CCR5AS: variants seen among roughly 807,000 people sequenced by gnomAD.
The protein encoded by CCR5AS is CCR5 antisense RNA.
chr3:46,389,521 G>A (rs1701892696), intron 2 of CCR5AS, among the ~76,000 whole-genome samples: 1 of 152,174 alleles, frequency 6.6e-6, no homozygotes, highest in South Asian at 2.1e-4. Flanking sequence ...GCCTGCTGGA[G>A]GACTGGAAGA....
intron 2 of CCR5AS, among the ~76,000 whole-genome samples, chr3:46,392,143 A>T (rs1701919295): frequency 5.3e-5 from 8 of 152,212 alleles, no homozygotes; most frequent in Admixed American, 5.2e-4. Context: ...GAAGAAAATA[A>T]GATGTTTAGG....
intron 2 of CCR5AS, among the ~76,000 whole-genome samples, chr3:46,381,373 TCA>T (rs1410937085): frequency 5.9e-5 from 9 of 152,314 alleles, no homozygotes; most frequent in Non-Finnish European, 1.0e-4. Context: ...CCAGCCCTGA[TCA>T]GGCAATGATA....
chr3:46,380,249 G>A (rs1406482635), intron 2 of CCR5AS, among the ~76,000 whole-genome samples: 2 of 152,152 alleles, frequency 1.3e-5, no homozygotes, highest in South Asian at 2.1e-4. Context: ...AGAAAGTTCT[G>A]TCTTGGAGCA....
intron 2 of CCR5AS, among the ~76,000 whole-genome samples, chr3:46,378,147 G>A (rs1469119346): frequency 2.0e-5 from 3 of 152,134 alleles, no homozygotes; most frequent in South Asian, 2.1e-4. Flanking sequence ...AAAACATTTC[G>A]ATAGCTCCTA....
At chr3:46,378,456 TG>T (rs1338952159) in intron 2 of CCR5AS, among the ~76,000 whole-genome samples, 4 of 152,224 alleles carry the variant, frequency 2.6e-5, no homozygotes, top group South Asian at 2.1e-4. Context: ...TTTGTTTCTC[TG>T]GGTGGTCACT....
intron 2 of CCR5AS, chr3:46,373,586 G>C (rs1445636663): frequency 6.2e-7 from 1 of 1,613,810 alleles, no homozygotes; most frequent in South Asian, 1.1e-5. Flanking sequence ...GAAATGAGAA[G>C]AAGAGGCACA....
chr3:46,394,557 C>A (rs1022094429), intron 1 of CCR5AS, among the ~76,000 whole-genome samples: 5 of 152,182 alleles, frequency 3.3e-5, no homozygotes, highest in African/African-American at 7.2e-5. Context: ...CAAGCCTCCC[C>A]AGTGGCGCGT....
At chr3:46,364,349 T>G (rs1371687011), downstream of CCR5AS, among the ~76,000 whole-genome samples, 1 of 152,244 alleles carries the variant, frequency 6.6e-6, no homozygotes, top group African/African-American at 2.4e-5. Flanking sequence ...CTACTCTATC[T>G]GTGCTCCATA....
At chr3:46,381,703 A>G (rs781776795) in intron 2 of CCR5AS, among the ~76,000 whole-genome samples, 27 of 152,208 alleles carry the variant, frequency 1.8e-4, no homozygotes, top group Non-Finnish European at 3.4e-4. Context: ...CCTTTTTAGG[A>G]GAATCCTAAT....
chr3:46,383,509 A>G (rs1015176383), intron 2 of CCR5AS, among the ~76,000 whole-genome samples: 2 of 152,316 alleles, frequency 1.3e-5, no homozygotes, highest in East Asian at 3.9e-4. Flanking sequence ...ACAGGAAACA[A>G]GTAGGATTTC....
rs569344707 is a variant in CCR5AS, at chr3:46,374,820, A to G, written n.392-3403T>C. The stretch of plus-strand genomic sequence containing the variant: ...TCAGGAAGGATGAGCATTTAGGGCA[A>G]GGAGACCACCAACAGCCCTCAGGTC... On this transcript the variant is annotated intron_variant and non_coding_transcript_variant, in intron 2 of 3. Coordinates refer to ENST00000451485, the Ensembl canonical transcript of CCR5AS. 4.8e-5 allele frequency: 8 copies of G among 167,520 alleles called. No homozygotes were observed. The South Asian group carries it at 1.7e-3, about 35-fold the overall frequency. 10.4% of individuals were successfully genotyped at this position (167,520 alleles called of 1,614,324 possible).
chr3:46,400,632 G>A (rs901849389), intron 1 of CCR5AS, among the ~76,000 whole-genome samples: 3 of 152,336 alleles, frequency 2.0e-5, no homozygotes, highest in Non-Finnish European at 2.9e-5. Flanking sequence ...GAGTGAAACC[G>A]AAGGCCAGGG....
At chr3:46,393,035 G>A (rs1468104650) in exon 2 of CCR5AS, 1 of 152,786 alleles carries the variant, frequency 6.5e-6, no homozygotes, top group African/African-American at 2.4e-5. Flanking sequence ...TAATCATGTA[G>A]GTGCAGGCAG....
intron 2 of CCR5AS, among the ~76,000 whole-genome samples, chr3:46,380,461 T>A (rs1392071266): frequency 6.6e-6 from 1 of 152,260 alleles, no homozygotes; most frequent in Non-Finnish European, 1.5e-5. Context: ...CTCGTTTACA[T>A]CAAACCCTCT....
intron 2 of CCR5AS, among the ~76,000 whole-genome samples, chr3:46,384,059 T>G (rs1701837428): frequency 6.6e-6 from 1 of 152,144 alleles, no homozygotes; most frequent in Non-Finnish European, 1.5e-5. Flanking sequence ...GAGCAGAGGT[T>G]TAATAGGCAA....
At chr3:46,395,356 G>A (rs763059342) in intron 1 of CCR5AS, among the ~76,000 whole-genome samples, 6 of 152,220 alleles carry the variant, frequency 3.9e-5, no homozygotes, top group Non-Finnish European at 5.9e-5. Flanking sequence ...GGGGTCACAG[G>A]CAGTGGATGC....
chr3:46,387,810 G>A (rs1234491474), intron 2 of CCR5AS, among the ~76,000 whole-genome samples: 1 of 152,174 alleles, frequency 6.6e-6, no homozygotes, highest in Non-Finnish European at 1.5e-5. Context: ...TAGGGATGGG[G>A]CGGTTTTATA....
intron 1 of CCR5AS, among the ~76,000 whole-genome samples, chr3:46,395,270 C>G (rs1701949231): frequency 6.6e-6 from 1 of 152,022 alleles, no homozygotes; most frequent in Admixed American, 6.5e-5. Flanking sequence ...TGGGGGACCT[C>G]CAGGTGGCAG....
intron 2 of CCR5AS, among the ~76,000 whole-genome samples, chr3:46,390,435 T>C (rs1179388427): frequency 6.6e-6 from 1 of 152,138 alleles, no homozygotes; most frequent in Admixed American, 6.5e-5. Context: ...GGAGAATTTG[T>C]AGGCTTTAAG....
Sources: allele counts gnomAD v4.1 joint callset (sites outside exome capture counted in the v4.1 genomes callset), GRCh38; gene constraint gnomAD v4.1.1; transcripts MANE v1.5; gene names NCBI Gene and HGNC (gene_info 2026-07-23, HGNC 2026-07-21).